The following RPL26L1 variants were observed in gnomAD, a reference collection of about 807,000 sequenced individuals.
RPL26L1 encodes ribosomal protein uL24-like.
Under a neutral mutation model 15.2 loss-of-function variants are expected in RPL26L1, and 8 were observed. The observed-to-expected ratio is 0.53, with a 90% CI of 0.31 to 0.95. RPL26L1 has a LOEUF of 0.95. Among genes scored for constraint, RPL26L1 ranks in the 40% least tolerant of loss-of-function variants. The probability of loss-of-function intolerance (pLI) is 0.05; values close to 1 mark genes in which losing one functional copy is unlikely to be tolerated. For synonymous variants in RPL26L1, 51 were observed against 65.9 expected, an observed-to-expected ratio of 0.77 and a Z score of 1.09; for missense variants, 146 against 190.9, an observed-to-expected ratio of 0.76 and a Z score of 1.39.
intron 2 of RPL26L1, among the ~76,000 whole-genome samples, chr5:172,967,068 A>G (rs1755486495): frequency 6.6e-6 from 1 of 151,636 alleles, no homozygotes; most frequent in African/African-American, 2.4e-5. Context: ...GTTGGCCTGG[A>G]TGGTCTCGAT....
intron 2 of RPL26L1, among the ~76,000 whole-genome samples, chr5:172,963,069 T>C (rs1041134696): frequency 6.6e-6 from 1 of 151,944 alleles, no homozygotes; most frequent in African/African-American, 2.4e-5. Flanking sequence ...CAATGGTGCC[T>C]GATGTGCTTA....
In RPL26L1 at chr5:172,964,281, C is replaced by CCTTTTTTTTTTTTTTTT. The variant is rs1402885653; in HGVS notation, c.169-4178_169-4177insCTTTTTTTTTTTTTTTT. ...TGAGCCACAGTGTCTGGCCTGTTGC[C>CCTTTTTTTTTTTTTTTT]TTTTTTTTTTTTTTTTTTTTTGAGA... On this transcript the variant is annotated intron_variant, in intron 2 of 3. Coordinates refer to ENST00000265100, the MANE Select transcript of RPL26L1 (RefSeq NM_016093.4). Among the ~76,000 whole-genome samples the CCTTTTTTTTTTTTTTTT allele has an allele frequency of 4.5e-3, 451 of 99,222 alleles. 100 individuals carry two copies. The highest frequency in any genetic ancestry group is 0.015 in the South Asian group (46 of 3,156). The allele number at this position is 99,222 out of a possible 152,430, so 65.1% of individuals were successfully genotyped here. A position where few individuals can be genotyped will look rare whatever the true frequency, so the allele number is the denominator to read the frequency against.
In RPL26L1 at chr5:172,960,978, T is replaced by G. The variant is rs146950142; in HGVS notation, c.168+937T>G. On this transcript the variant is annotated intron_variant, in intron 2 of 3. Transcript: ENST00000265100. ...AGCAGCGTCCCTGGCCTCTCCCCAC[T>G]AGATGCCAGTGGCACTCCCTCCCTT... Among the ~76,000 whole-genome samples, 624 of 151,980 alleles carry G rather than the reference T, an allele frequency of 4.1e-3. 5 individuals are homozygous for G. Among genetic ancestry groups the G allele is most frequent in the African/African-American group, 0.014 (599 of 41,474 alleles).
intron 2 of RPL26L1, among the ~76,000 whole-genome samples, chr5:172,961,958 A>T (rs935825882): frequency 6.6e-6 from 1 of 151,816 alleles, no homozygotes; most frequent in Admixed American, 6.6e-5. Flanking sequence ...CCAGAATCCA[A>T]CTCTACTCCC....
upstream of RPL26L1, chr5:172,957,495 G>T: frequency 3.3e-6 from 1 of 298,734 alleles, no homozygotes; most frequent in East Asian, 9.0e-5. Context: ...CCTGTACCTG[G>T]CTCCATGTAG....
At chr5:172,964,957 G>A (rs1755399987) in intron 2 of RPL26L1, among the ~76,000 whole-genome samples, 1 of 152,242 alleles carries the variant, frequency 6.6e-6, no homozygotes, top group Non-Finnish European at 1.5e-5. Context: ...GCCAAGACAG[G>A]TGGATCGCTT....
rs535372751 is a variant in RPL26L1, at chr5:172,969,171, A to G, written c.310-242A>G. Among the ~76,000 whole-genome samples the G allele has an allele frequency of 2.0e-3, 303 of 152,022 alleles. 1 individual carries two copies. The highest frequency in any genetic ancestry group is 2.2e-3 in the Non-Finnish European group (149 of 67,972). ...TGTTCTAGGCATCACTTCCCCTACC[A>G]CATAATATTCAGAGGAATAAGAGAG... On this transcript the variant is annotated intron_variant, in intron 3 of 3. Coordinates refer to ENST00000265100, the MANE Select transcript of RPL26L1 (RefSeq NM_016093.4).
chr5:172,960,558 C>T (rs1755194958), intron 2 of RPL26L1, among the ~76,000 whole-genome samples: 1 of 151,904 alleles, frequency 6.6e-6, no homozygotes, highest in South Asian at 2.1e-4. Flanking sequence ...GATTGATGGA[C>T]AGAGATTTGT....
At chr5:172,968,383 G>A in intron 2 of RPL26L1, 76 bp from the exon 3 acceptor site, 3 of 1,565,042 alleles carry the variant, frequency 1.9e-6, no homozygotes, top group Non-Finnish European at 2.6e-6. Context: ...TAGCCCATGT[G>A]TTCCTGATGG....
Position 172,968,564 on chromosome 5 carries a change from G to A in RPL26L1, c.274G>A (p.Gly92Ser), listed in dbSNP as rs745848844. 9.9e-5 allele frequency: 159 copies of A among 1,613,908 alleles called. 1 individual carries two copies. Among genetic ancestry groups the A allele is most frequent in the Non-Finnish European group, 1.3e-4 (150 of 1,179,996 alleles). Residue 92 changes from glycine (G) to serine (S), a missense_variant, in exon 3 of 4, where the codon GGC becomes AGC. Transcript: ENST00000265100. ...GCGGGTGCAGCGTGAGAAGGCCAAC[G>A]GCACAACTGTCCACGTGGGCATTCA... ...IERVQREKAN[G>S]TTVHVGIHPS...
intron 2 of RPL26L1, among the ~76,000 whole-genome samples, chr5:172,963,622 G>A (rs945505094): frequency 1.3e-5 from 2 of 152,120 alleles, no homozygotes; most frequent in African/African-American, 2.4e-5. Context: ...TTAAATGTCC[G>A]TTCCTCAGAG....
chr5:172,962,099 C>T (rs1755252504), intron 2 of RPL26L1, among the ~76,000 whole-genome samples: 1 of 152,226 alleles, frequency 6.6e-6, no homozygotes, highest in Non-Finnish European at 1.5e-5. Context: ...ATTCTACCTC[C>T]AAAGTAAGTC....
At position 172,959,444 on chromosome 5, in the gene RPL26L1, A is replaced by G; in HGVS notation, c.-34A>G. ...AACTCACTTCCGGCCCTGCGCACTC[A>G]GGGTCTGAGGCAGCTAGTAGCCGGG... On this transcript the variant is annotated 5_prime_UTR_variant, in exon 1 of 4. Transcript: ENST00000265100. The G allele has an allele frequency of 6.0e-6, 6 of 1,000,906 alleles. No individual in the cohort carries two copies. Among genetic ancestry groups the G allele is most frequent in the Non-Finnish European group, 7.2e-6 (6 of 837,202 alleles). 62.0% of individuals were successfully genotyped at this position (1,000,906 alleles called of 1,614,324 possible).
At position 172,961,771 on chromosome 5, in the gene RPL26L1, G is replaced by T. The variant is rs963221815; in HGVS notation, c.168+1730G>T. On this transcript the variant is annotated intron_variant, in intron 2 of 3. Coordinates refer to ENST00000265100, the MANE Select transcript of RPL26L1 (RefSeq NM_016093.4). ...TCTTAGAGCTTTAAATGTCTGCTGT[G>T]TGCTAACAACTCCCTCTTTTATATC... 5.3e-5 allele frequency among the ~76,000 whole-genome samples: 8 copies of T among 152,318 alleles called. No homozygotes were observed. The South Asian group carries it at 1.7e-3, about 32-fold the overall frequency.
chr5:172,957,178 C>G, upstream of RPL26L1: 3 of 456,256 alleles, frequency 6.6e-6, no homozygotes, highest in South Asian at 3.1e-5. Context: ...GTGCTAGGTG[C>G]TTTGAGTTCC....
At chr5:172,958,471 G>A, upstream of RPL26L1, 1 of 455,882 alleles carries the variant, frequency 2.2e-6, no homozygotes, top group East Asian at 7.0e-5. Flanking sequence ...TGGAATGAAT[G>A]AACGAAAGGG....
intron 2 of RPL26L1, among the ~76,000 whole-genome samples, chr5:172,965,584 G>T (rs917960126): frequency 5.3e-5 from 8 of 152,296 alleles, no homozygotes; most frequent in Middle Eastern, 3.4e-3. Context: ...CTTGTTGTCA[G>T]ATCTGTTAAA....
upstream of RPL26L1, among the ~76,000 whole-genome samples, chr5:172,956,546 A>G (rs1452664422): frequency 2.0e-5 from 3 of 152,220 alleles, no homozygotes; most frequent in Non-Finnish European, 4.4e-5. Flanking sequence ...TGCTCAGCCC[A>G]TTAAGAAGAG....
chr5:172,958,626 G>T (rs1376079060), upstream of RPL26L1: 1 of 310,188 alleles, frequency 3.2e-6, no homozygotes, highest in Admixed American at 3.7e-5. Context: ...AGCTCCGTCG[G>T]GACCAGAGAC....
Sources: gnomAD v4.1 joint callset for allele counts (sites outside exome capture counted in the v4.1 genomes callset) on GRCh38, gnomAD v4.1.1 for gene constraint, MANE v1.5 for transcripts, NCBI Gene and HGNC (gene_info 2026-07-23, HGNC 2026-07-21) for gene names.